ANO6: variants seen among roughly 807,000 people sequenced by gnomAD.
ANO6 encodes anoctamin-6.
ANO6 carries 106 observed loss-of-function variants against 117.5 expected under a neutral mutation model. The ratio of observed to expected loss-of-function variants is 0.90; its 90% CI spans 0.77 to 1.06. The LOEUF (loss-of-function observed/expected upper bound fraction) is 1.06. Among genes scored for constraint, ANO6 ranks in the 50% least tolerant of loss-of-function variants. The probability of loss-of-function intolerance (pLI) is 0.00; values close to 1 mark genes in which losing one functional copy is unlikely to be tolerated. For missense variants in ANO6, 955 were observed against 1,121.1 expected (o/e 0.85, Z 2.12); for synonymous variants, 367 against 385.1 (o/e 0.95, Z 0.55).
chr12:45,283,692 A>G (rs1407544485), intron 1 of ANO6, among the ~76,000 whole-genome samples: 4 of 152,210 alleles, frequency 2.6e-5, no homozygotes, highest in African/African-American at 9.6e-5. Flanking sequence ...CTTCTTACTT[A>G]GTGAACCCAG....
In ANO6 at chr12:45,334,267, A is replaced by C. The variant is rs558816464; in HGVS notation, c.279+2844A>C. 1.1e-4 allele frequency among the ~76,000 whole-genome samples: 17 copies of C among 152,208 alleles called. No homozygotes were observed. In the South Asian group the frequency reaches 2.1e-3, roughly 19 times the overall value. On this transcript the variant is annotated intron_variant, in intron 3 of 19. Transcript: ENST00000320560. The stretch of plus-strand genomic sequence containing the variant: ...TGTTTGAATGTTTTAAATCACAAAT[A>C]ACAGGAAAACCAAACTCAAAATGGC...
downstream of ANO6, among the ~76,000 whole-genome samples, chr12:45,436,855 G>A (rs934886545): frequency 6.6e-6 from 1 of 152,240 alleles, no homozygotes; most frequent in East Asian, 1.9e-4. Context: ...TGTAATCTCG[G>A]CTACTAGGGA....
At chr12:45,353,507 T>C (rs1481406992) in intron 7 of ANO6, among the ~76,000 whole-genome samples, 2 of 152,224 alleles carry the variant, frequency 1.3e-5, no homozygotes, top group African/African-American at 4.8e-5. Flanking sequence ...CCCAACTATT[T>C]TAAATATATT....
At chr12:45,409,004 C>G (rs1223672317) in intron 15 of ANO6, among the ~76,000 whole-genome samples, 1 of 152,154 alleles carries the variant, frequency 6.6e-6, no homozygotes, top group Admixed American at 6.5e-5. Flanking sequence ...CTTGTTTTCT[C>G]TGTTGATTTT....
At chr12:45,338,381 GTGGAAAGTTTGCC>G (rs1940885554) in intron 3 of ANO6, among the ~76,000 whole-genome samples, 1 of 152,044 alleles carries the variant, frequency 6.6e-6, no homozygotes, top group Non-Finnish European at 1.5e-5. Context: ...TCAGAACAGC[GTGGAAAGTTTGCC>G]TGGGAATGAC....
chr12:45,250,473 G>A (rs1356856293), intron 1 of ANO6, among the ~76,000 whole-genome samples: 1 of 152,106 alleles, frequency 6.6e-6, no homozygotes, highest in Non-Finnish European at 1.5e-5. Context: ...GCTCACTGCA[G>A]CGTCGAACTC....
chr12:45,371,272 C>T lies in ANO6; in HGVS notation c.1104+3479C>T, dbSNP rs1014262057. On this transcript the variant is annotated intron_variant, in intron 9 of 19. Transcript: ENST00000320560. ...CTGAGATCAAACTGCAAGGCGGCAG[C>T]GAGGCTAGGGGAGGGGCGCCCGCCA... 4.1e-4 allele frequency among the ~76,000 whole-genome samples: 62 copies of T among 151,980 alleles called. 1 individual carries two copies. Among genetic ancestry groups the T allele is most frequent in the African/African-American group, 1.4e-3 (57 of 41,378 alleles).
chr12:45,314,472 TATACACACACAC>T lies in ANO6; in HGVS notation c.150+12381_150+12392del, dbSNP rs1353719948. ...AAAAAAAAATTATATATATATTATA[TATACACACACAC>T]ACACACACATATATACATATATACA... On this transcript the variant is annotated intron_variant, in intron 2 of 19. Coordinates refer to ENST00000320560, the MANE Select transcript of ANO6 (RefSeq NM_001025356.3). 1.3e-4 allele frequency among the ~76,000 whole-genome samples: 5 copies of T among 38,418 alleles called. No homozygotes were observed. The East Asian group carries it at 1.7e-3, about 13-fold the overall frequency. 25.2% of individuals were successfully genotyped at this position (38,418 alleles called of 152,430 possible).
intron 9 of ANO6, among the ~76,000 whole-genome samples, chr12:45,372,891 G>A (rs941387847): frequency 6.6e-6 from 1 of 152,156 alleles, no homozygotes; most frequent in Non-Finnish European, 1.5e-5. Flanking sequence ...TGGACTAAAT[G>A]CTCCAGTTAA....
At chr12:45,293,014 A>G in intron 1 of ANO6, 1 of 1,532,046 alleles carries the variant, frequency 6.5e-7, no homozygotes, top group Admixed American at 2.1e-5. Flanking sequence ...TTTTTTATAA[A>G]TATTGTCCAA....
chr12:45,419,479 C>CATATGTATATGTA (rs1341984856), intron 17 of ANO6, among the ~76,000 whole-genome samples: 1 of 152,144 alleles, frequency 6.6e-6, no homozygotes, highest in African/African-American at 2.4e-5. Flanking sequence ...GAAACACACT[C>CATATGTATATGTA]ATATGTATAT....
intron 4 of ANO6, chr12:45,347,521 T>G (rs1941168267): frequency 5.4e-6 from 1 of 183,988 alleles, no homozygotes; most frequent in Non-Finnish European, 1.1e-5. Context: ...AGGAGAAAAT[T>G]ACCACTTCAC....
chr12:45,372,643 T>C (rs1941878962), intron 9 of ANO6, among the ~76,000 whole-genome samples: 1 of 151,052 alleles, frequency 6.6e-6, no homozygotes, highest in Non-Finnish European at 1.5e-5. Context: ...ATAAAATCCT[T>C]TACAGACAAG....
At chr12:45,356,819 C>A (rs74080830) in intron 7 of ANO6, among the ~76,000 whole-genome samples, 4,950 of 152,196 alleles carry the variant, frequency 0.033, 246 homozygotes, top group African/African-American at 0.11. Context: ...TACAGTTCAA[C>A]CCTGTGTTGT....
chr12:45,432,776 C>A (rs1279275014), downstream of ANO6, among the ~76,000 whole-genome samples: 1 of 152,206 alleles, frequency 6.6e-6, no homozygotes, highest in Non-Finnish European at 1.5e-5. Context: ...CTAGAAACGT[C>A]TTTCTCTTGC....
chr12:45,386,223 A>T (rs1942294609), intron 10 of ANO6, among the ~76,000 whole-genome samples: 1 of 152,096 alleles, frequency 6.6e-6, no homozygotes, highest in Non-Finnish European at 1.5e-5. Context: ...CCTGCATCTC[A>T]TTTAATGGTC....
At chr12:45,394,397 T>C (rs903116520) in intron 12 of ANO6, among the ~76,000 whole-genome samples, 2 of 152,178 alleles carry the variant, frequency 1.3e-5, no homozygotes, top group Non-Finnish European at 2.9e-5. Flanking sequence ...ACAATAATCA[T>C]GGGAGACTTT....
At chr12:45,433,639 T>A (rs1478641091), downstream of ANO6, among the ~76,000 whole-genome samples, 3 of 152,210 alleles carry the variant, frequency 2.0e-5, no homozygotes, top group East Asian at 5.8e-4. Flanking sequence ...TGGTGAGGAC[T>A]CATCTGCCTT....
At chr12:45,264,872 A>G (rs1938163183) in intron 1 of ANO6, among the ~76,000 whole-genome samples, 1 of 152,210 alleles carries the variant, frequency 6.6e-6, no homozygotes, top group Admixed American at 6.5e-5. Flanking sequence ...CAAAGCCAAC[A>G]CACCAAATTT....
Sources: allele counts gnomAD v4.1 joint callset (sites outside exome capture counted in the v4.1 genomes callset), GRCh38; gene constraint gnomAD v4.1.1; transcripts MANE v1.5; gene names NCBI Gene and HGNC (gene_info 2026-07-23, HGNC 2026-07-21).